The following RALGAPA2 variants were observed in gnomAD, a reference collection of about 807,000 sequenced individuals.
The protein encoded by RALGAPA2 is Ral GTPase activating protein catalytic subunit alpha 2, also known as ral GTPase-activating protein subunit alpha-2.
A neutral mutation model predicts 230.4 loss-of-function variants in RALGAPA2; 139 were observed. That is an observed-to-expected ratio of 0.60 (90% CI 0.53 to 0.69). The LOEUF is 0.69. Among genes scored for constraint, RALGAPA2 ranks in the 30% least tolerant of loss-of-function variants. RALGAPA2 has a pLI of 0.00. For missense variants in RALGAPA2, 2,163 were observed against 2,276.0 expected (o/e 0.95, Z 1.01); for synonymous variants, 847 against 837.8 (o/e 1.01, Z -0.19).
chr20:20,590,302 C>T (rs1165303007), intron 17 of RALGAPA2, among the ~76,000 whole-genome samples: 1 of 151,930 alleles, frequency 6.6e-6, no homozygotes, highest in African/African-American at 2.4e-5. Context: ...GTAGTTTCTA[C>T]CAAATATGTA....
chr20:20,505,260 G>C lies in RALGAPA2; in HGVS notation c.5052+151C>G, dbSNP rs975267072. The C allele has an allele frequency of 4.9e-6, 6 of 1,227,228 alleles. No individual in the cohort carries two copies. In the East Asian group the frequency reaches 1.5e-4, roughly 32 times the overall value. The allele number at this position is 1,227,228 out of a possible 1,614,324, so 76.0% of individuals were successfully genotyped here. On this transcript the variant is annotated intron_variant, in intron 34 of 39. Coordinates refer to ENST00000202677, the MANE Select transcript of RALGAPA2 (RefSeq NM_020343.4). Reference sequence around the variant, plus strand: ...ATTAAATACTGACAAGCAACTAACAGATGTCAAATCCAATAAATTCTTCAA... The same window carrying C: ...ATTAAATACTGACAAGCAACTAACACATGTCAAATCCAATAAATTCTTCAA...
rs2065095687 is a variant in RALGAPA2, at chr20:20,585,098, T to C, written c.2440-143A>G. The C allele has an allele frequency of 1.3e-5, 7 of 524,916 alleles. No individual in the cohort carries two copies. In the East Asian group the frequency reaches 1.9e-4, roughly 14 times the overall value. 32.5% of individuals were successfully genotyped at this position (524,916 alleles called of 1,614,324 possible). A position where few individuals can be genotyped will look rare whatever the true frequency, so the allele number is the denominator to read the frequency against. ...ATTGATGTTTTCCATTTGAAGGATA[T>C]GTTTTCACAAATCACTATATTTAAT... On this transcript the variant is annotated intron_variant, in intron 18 of 39. Coordinates refer to ENST00000202677, the MANE Select transcript of RALGAPA2 (RefSeq NM_020343.4).
Position 20,508,263 on chromosome 20 carries a change from T to C in RALGAPA2, c.4929-2729A>G, listed in dbSNP as rs150469070. Among the ~76,000 whole-genome samples the C allele has an allele frequency of 2.6e-3, 397 of 152,288 alleles. 4 individuals are homozygous for C. The highest frequency in any genetic ancestry group is 9.0e-3 in the African/African-American group (376 of 41,566). Reference sequence around the variant, plus strand: ...CCTTATTAAAGCCATGCTTTTGAAATGATAATTAGCAACATCAACAGCACT... The same window carrying C: ...CCTTATTAAAGCCATGCTTTTGAAACGATAATTAGCAACATCAACAGCACT... On this transcript the variant is annotated intron_variant, in intron 33 of 39. Transcript: ENST00000202677.
intron 38 of RALGAPA2, among the ~76,000 whole-genome samples, chr20:20,409,117 G>A (rs944493375): frequency 2.0e-5 from 3 of 152,194 alleles, no homozygotes; most frequent in African/African-American, 4.8e-5. Context: ...ACCCACCCCC[G>A]CAGGGCTTGT....
At chr20:20,673,181 T>A (rs1449478070) in intron 3 of RALGAPA2, among the ~76,000 whole-genome samples, 1 of 149,162 alleles carries the variant, frequency 6.7e-6, no homozygotes, top group Admixed American at 6.7e-5. Flanking sequence ...AAAGACTCCA[T>A]CTTTAAAAAA....
chr20:20,710,076 AC>A (rs1193843318), intron 1 of RALGAPA2, among the ~76,000 whole-genome samples: 1 of 152,216 alleles, frequency 6.6e-6, no homozygotes, highest in African/African-American at 2.4e-5. Context: ...GAGACAGGCT[AC>A]GTAACTAGCT....
Position 20,616,115 on chromosome 20 carries a change from A to G in RALGAPA2, c.1616T>C (p.Val539Ala), listed in dbSNP as rs370917268. 67 of 1,556,746 alleles carry G rather than the reference A, an allele frequency of 4.3e-5. No individual in the cohort carries two copies. The highest frequency in any genetic ancestry group is 1.2e-4 in the African/African-American group (9 of 73,626). The change falls in exon 13 of 40, where the codon GTT becomes GCT. Residue 539 changes from valine (V) to alanine (A), a missense_variant. By Grantham distance (64) the Val-to-Ala change is moderately conservative. Transcript: ENST00000202677. ...AEVPVLLKEQ[V>A]DACKAVLIIF... ...AATCAAAACAGCTTTACAAGCATCA[A>G]CTTGTTCTTTCAAGAGCACAGGAAC...
intron 1 of RALGAPA2, among the ~76,000 whole-genome samples, chr20:20,707,305 A>G (rs1211896211): frequency 6.6e-6 from 1 of 152,236 alleles, no homozygotes; most frequent in Admixed American, 6.5e-5. Flanking sequence ...GTTCAAACCC[A>G]GCAATCTTAC....
At chr20:20,600,210 C>G (rs554906337) in intron 16 of RALGAPA2, among the ~76,000 whole-genome samples, 30 of 152,120 alleles carry the variant, frequency 2.0e-4, no homozygotes, top group African/African-American at 7.2e-4. Flanking sequence ...GCAGGAGAAT[C>G]GCTTGAACCT....
At position 20,411,058 on chromosome 20, in the gene RALGAPA2, A is replaced by T. The variant is rs147624202; in HGVS notation, c.5617+969T>A. Among the ~76,000 whole-genome samples the T allele has an allele frequency of 2.1e-3, 314 of 152,202 alleles. 3 individuals carry two copies. Among genetic ancestry groups the T allele is most frequent in the African/African-American group, 7.2e-3 (299 of 41,534 alleles). On this transcript the variant is annotated intron_variant, in intron 38 of 39. Transcript: ENST00000202677. ...ATTTCACTGGATTTAATTTTTTTTCACTTTGTGTATAAGATATTTGTTAAC... is the reference window on the plus strand; with the variant it reads ...ATTTCACTGGATTTAATTTTTTTTCTCTTTGTGTATAAGATATTTGTTAAC...
intron 36 of RALGAPA2, among the ~76,000 whole-genome samples, chr20:20,493,835 A>C (rs2062131146): frequency 6.6e-6 from 1 of 152,178 alleles, no homozygotes; most frequent in Non-Finnish European, 1.5e-5. Flanking sequence ...GCACATGGAG[A>C]TCAGAATAAA....
chr20:20,474,024 T>C (rs1179231901), intron 36 of RALGAPA2, among the ~76,000 whole-genome samples: 1 of 152,088 alleles, frequency 6.6e-6, no homozygotes, highest in Non-Finnish European at 1.5e-5. Context: ...TATAAACATA[T>C]AAAATATATG....
Position 20,676,177 on chromosome 20 carries a change from C to A in RALGAPA2, c.270+59G>T, listed in dbSNP as rs950242121. Reference sequence around the variant, plus strand: ...TTTGTCTTCAAATAAAATTAAAGATCAAAAATACTTTATTTCCAACAAGAA... The same window carrying A: ...TTTGTCTTCAAATAAAATTAAAGATAAAAAATACTTTATTTCCAACAAGAA... On this transcript the variant is annotated intron_variant, in intron 3 of 39. Transcript: ENST00000202677. 1.0e-5 allele frequency: 12 copies of A among 1,189,624 alleles called. No individual in the cohort carries two copies. The African/African-American group carries it at 1.4e-4, about 14-fold the overall frequency. The allele number at this position is 1,189,624 out of a possible 1,614,324, so 73.7% of individuals were successfully genotyped here. A position where few individuals can be genotyped will look rare whatever the true frequency, so the allele number is the denominator to read the frequency against.
chr20:20,608,942 A>G lies in RALGAPA2; in HGVS notation c.1800+2373T>C, dbSNP rs1027699625. Reference sequence around the variant, plus strand: ...GTAGCAGAGCTGAGATCAGAAACACAATCTGCCTAATGCCAAAAAGCTCAT... The same window carrying G: ...GTAGCAGAGCTGAGATCAGAAACACGATCTGCCTAATGCCAAAAAGCTCAT... On this transcript the variant is annotated intron_variant, in intron 14 of 39. Coordinates refer to ENST00000202677, the MANE Select transcript of RALGAPA2 (RefSeq NM_020343.4). 4.6e-5 allele frequency among the ~76,000 whole-genome samples: 7 copies of G among 152,162 alleles called. No individual in the cohort carries two copies. The South Asian group carries it at 1.5e-3, about 32-fold the overall frequency.
intron 20 of RALGAPA2, among the ~76,000 whole-genome samples, chr20:20,580,508 T>G (rs1485198879): frequency 6.6e-6 from 1 of 152,176 alleles, no homozygotes. Context: ...AAGTCATTCA[T>G]ATTAGTAATC....
intron 24 of RALGAPA2, among the ~76,000 whole-genome samples, chr20:20,546,107 T>C (rs146443784): frequency 1.6e-3 from 240 of 152,262 alleles, no homozygotes; most frequent in African/African-American, 5.5e-3. Context: ...AAAGAAAAGA[T>C]ACTGCCTTAG....
chr20:20,414,200 G>A (rs1289873725), intron 37 of RALGAPA2, among the ~76,000 whole-genome samples: 1 of 152,174 alleles, frequency 6.6e-6, no homozygotes, highest in Non-Finnish European at 1.5e-5. Flanking sequence ...CCTTTGGACC[G>A]CCGTGGCCCG....
At chr20:20,515,490 C>T (rs2062841314) in intron 31 of RALGAPA2, among the ~76,000 whole-genome samples, 1 of 152,202 alleles carries the variant, frequency 6.6e-6, no homozygotes, top group Admixed American at 6.5e-5. Context: ...AGGTAAAAAA[C>T]TATAAATCCT....
At chr20:20,705,919 G>T (rs906551123) in intron 1 of RALGAPA2, among the ~76,000 whole-genome samples, 1 of 152,018 alleles carries the variant, frequency 6.6e-6, no homozygotes, top group Non-Finnish European at 1.5e-5. Context: ...TGCCCACCTC[G>T]GCCTCCCAAA....
Sources: gnomAD v4.1 joint callset for allele counts (sites outside exome capture counted in the v4.1 genomes callset) on GRCh38, gnomAD v4.1.1 for gene constraint, MANE v1.5 for transcripts, NCBI Gene and HGNC (gene_info 2026-07-23, HGNC 2026-07-21) for gene names.